Variants in DYNC1I1 observed in about 807,000 individuals in gnomAD.
DYNC1I1 encodes the protein cytoplasmic dynein 1 intermediate chain 1.
A neutral mutation model predicts 86.6 loss-of-function variants in DYNC1I1; 43 were observed. The observed-to-expected ratio is 0.50, with a 90% CI of 0.39 to 0.64. The LOEUF is 0.64. Among genes scored for constraint, DYNC1I1 ranks in the 30% least tolerant of loss-of-function variants. The pLI, the probability that DYNC1I1 is intolerant of heterozygous loss-of-function variation, is 0.00. For missense variants in DYNC1I1, 604 were observed against 788.8 expected, an observed-to-expected ratio of 0.77 and a Z score of 2.81; for synonymous variants, 262 against 283.7, an observed-to-expected ratio of 0.92 and a Z score of 0.77.
intron 6 of DYNC1I1, among the ~76,000 whole-genome samples, chr7:95,920,684 G>A (rs1052712755): frequency 1.3e-5 from 2 of 152,142 alleles, no homozygotes; most frequent in African/African-American, 4.8e-5. Flanking sequence ...CTACATCTCA[G>A]TGTCATTATT....
chr7:95,805,854 C>T (rs1794690768), intron 2 of DYNC1I1, among the ~76,000 whole-genome samples: 1 of 152,172 alleles, frequency 6.6e-6, no homozygotes, highest in Non-Finnish European at 1.5e-5. Flanking sequence ...TGATGCCTTA[C>T]AATCTAAATA....
At chr7:95,835,008 T>A (rs1345678800) in intron 5 of DYNC1I1, among the ~76,000 whole-genome samples, 1 of 127,666 alleles carries the variant, frequency 7.8e-6, no homozygotes, top group East Asian at 2.4e-4. Context: ...TCTTGCCTTC[T>A]GCTAGCTTTT....
chr7:95,818,323 A>T (rs968192508), intron 4 of DYNC1I1, among the ~76,000 whole-genome samples: 6 of 145,556 alleles, frequency 4.1e-5, no homozygotes, highest in South Asian at 2.2e-4. Context: ...TTTTTTTTTT[A>T]AAGACAAAGT....
chr7:96,046,539 T>C (rs1412742022), intron 14 of DYNC1I1, among the ~76,000 whole-genome samples: 2 of 152,178 alleles, frequency 1.3e-5, no homozygotes, highest in East Asian at 1.9e-4. Flanking sequence ...TCTTAGTGAA[T>C]AAGTGGGGAA....
At chr7:96,085,406 G>A (rs1188908961) in intron 16 of DYNC1I1, among the ~76,000 whole-genome samples, 1 of 151,762 alleles carries the variant, frequency 6.6e-6, no homozygotes, top group African/African-American at 2.4e-5. Flanking sequence ...ACAAAGACAT[G>A]AGTAATATCC....
intron 10 of DYNC1I1, among the ~76,000 whole-genome samples, chr7:96,026,308 A>C (rs1794681213): frequency 6.6e-6 from 1 of 152,164 alleles, no homozygotes; most frequent in Non-Finnish European, 1.5e-5. Flanking sequence ...GGCTGTTTCT[A>C]ACTAGGAAGC....
chr7:96,019,440 G>A (rs7795183), intron 10 of DYNC1I1, among the ~76,000 whole-genome samples: 43,456 of 150,768 alleles, frequency 0.29, 6,391 homozygotes, highest in Middle Eastern at 0.34. Context: ...TTTCACATTT[G>A]ACGGCAAAAT....
intron 1 of DYNC1I1, among the ~76,000 whole-genome samples, chr7:95,776,889 A>G (rs1793854699): frequency 6.6e-6 from 1 of 152,216 alleles, no homozygotes; most frequent in Non-Finnish European, 1.5e-5. Flanking sequence ...ACATCCCTGT[A>G]AGGTGGACAT....
At chr7:96,061,653 G>A (rs1473701166) in intron 14 of DYNC1I1, among the ~76,000 whole-genome samples, 3 of 146,428 alleles carry the variant, frequency 2.0e-5, no homozygotes, top group Non-Finnish European at 4.5e-5. Context: ...TGGAAAAAGA[G>A]TCTCTCTCTC....
At chr7:95,785,720 T>G (rs1794113693) in intron 1 of DYNC1I1, among the ~76,000 whole-genome samples, 1 of 147,254 alleles carries the variant, frequency 6.8e-6, no homozygotes, top group African/African-American at 2.5e-5. Flanking sequence ...CTGTTGTATA[T>G]ATATGTGTGT....
intron 5 of DYNC1I1, among the ~76,000 whole-genome samples, chr7:95,838,045 C>T (rs111873108): frequency 1.4e-3 from 218 of 152,266 alleles, no homozygotes; most frequent in African/African-American, 4.9e-3. Flanking sequence ...GCTGTAGTCC[C>T]GCTTGTCTAC....
In DYNC1I1 at chr7:96,013,396, T is replaced by C. The variant is rs185028773; in HGVS notation, c.970-14779T>C. Among the ~76,000 whole-genome samples, 960 of 152,290 alleles carry C rather than the reference T, an allele frequency of 6.3e-3. 14 individuals carry two copies. The highest frequency in any genetic ancestry group is 0.022 in the African/African-American group (905 of 41,574). ...TTTTAGTCCTTCCAACCTCCAGAGC[T>C]GTAAGATAATAAATTTATGTTGTTT... On this transcript the variant is annotated intron_variant, in intron 10 of 16. Coordinates refer to ENST00000447467, the MANE Select transcript of DYNC1I1 (RefSeq NM_001135556.2).
chr7:95,893,372 G>A (rs943188989), intron 6 of DYNC1I1, among the ~76,000 whole-genome samples: 1 of 152,144 alleles, frequency 6.6e-6, no homozygotes, highest in African/African-American at 2.4e-5. Flanking sequence ...GAGAAGGGAA[G>A]GACAGGAAAG....
chr7:95,975,641 T>TC (rs1425450804), intron 6 of DYNC1I1, among the ~76,000 whole-genome samples: 1 of 152,186 alleles, frequency 6.6e-6, no homozygotes, highest in Non-Finnish European at 1.5e-5. Flanking sequence ...GTTTATTACT[T>TC]CAACATATGA....
intron 6 of DYNC1I1, among the ~76,000 whole-genome samples, chr7:95,928,740 C>T (rs181996894): frequency 5.3e-5 from 8 of 152,260 alleles, no homozygotes; most frequent in African/African-American, 1.4e-4. Flanking sequence ...CTGGCTAATA[C>T]GGCCATGGGC....
intron 14 of DYNC1I1, among the ~76,000 whole-genome samples, chr7:96,050,464 T>C (rs575111671): frequency 1.3e-5 from 2 of 152,220 alleles, no homozygotes; most frequent in African/African-American, 2.4e-5. Context: ...TCAATTCTCT[T>C]TGTGATTTGA....
intron 1 of DYNC1I1, among the ~76,000 whole-genome samples, chr7:95,797,805 A>G (rs1414487472): frequency 2.6e-5 from 4 of 152,238 alleles, no homozygotes; most frequent in Non-Finnish European, 5.9e-5. Context: ...GTGTGAGGCC[A>G]GATTTTCTTC....
chr7:96,028,453 A>G, intron 11 of DYNC1I1, 132 bp downstream of exon 11: 1 of 1,246,194 alleles, frequency 8.0e-7, no homozygotes, highest in Non-Finnish European at 1.1e-6. Context: ...TTGAATCCTG[A>G]CCAGCTAAAA....
intron 3 of DYNC1I1, 45 bp downstream of exon 3, chr7:95,810,551 C>A (rs758740767): frequency 1.3e-6 from 2 of 1,521,146 alleles, no homozygotes; most frequent in South Asian, 1.2e-5. Context: ...AATCAACTTG[C>A]GTGGGATATA....
Sources: gnomAD v4.1 joint callset for allele counts (sites outside exome capture counted in the v4.1 genomes callset) on GRCh38, gnomAD v4.1.1 for gene constraint, MANE v1.5 for transcripts, NCBI Gene and HGNC (gene_info 2026-07-23, HGNC 2026-07-21) for gene names.